Variants in ADAMTS17 observed in about 807,000 individuals in gnomAD.
The protein encoded by ADAMTS17 is A disintegrin and metalloproteinase with thrombospondin motifs 17.
Under a neutral mutation model 141.5 loss-of-function variants are expected in ADAMTS17, and 113 were observed. That is an observed-to-expected ratio of 0.80 (90% confidence interval 0.69 to 0.93). The LOEUF is 0.93. ADAMTS17 is among the 40% of genes least tolerant of loss of function. ADAMTS17 has a pLI of 0.00. For synonymous variants in ADAMTS17, 768 were observed against 630.6 expected, an observed-to-expected ratio of 1.22 and a Z score of -3.27; for missense variants, 1,659 against 1,517.9, an observed-to-expected ratio of 1.09 and a Z score of -1.54.
intron 20 of ADAMTS17, among the ~76,000 whole-genome samples, chr15:99,982,004 GC>G (rs1343186941): frequency 3.3e-5 from 5 of 152,236 alleles, no homozygotes; most frequent in African/African-American, 1.2e-4. Flanking sequence ...CTGTTGGCAT[GC>G]TACGTCCCCA....
chr15:100,094,154 G>A (rs1281802516), intron 15 of ADAMTS17, among the ~76,000 whole-genome samples: 3 of 152,226 alleles, frequency 2.0e-5, no homozygotes, highest in African/African-American at 7.2e-5. Flanking sequence ...CAGAATGACA[G>A]TCCAGGTAGG....
chr15:100,268,079 C>G (rs1596400873), intron 4 of ADAMTS17, among the ~76,000 whole-genome samples: 1 of 152,298 alleles, frequency 6.6e-6, no homozygotes, highest in East Asian at 1.9e-4. Context: ...CATTAATTCA[C>G]TTAGGATAAT....
At chr15:100,109,770 G>A (rs948186262) in intron 13 of ADAMTS17, among the ~76,000 whole-genome samples, 9 of 152,182 alleles carry the variant, frequency 5.9e-5, no homozygotes, top group South Asian at 2.1e-4. Context: ...CCCAGAACGC[G>A]CCCAGCTCCC....
At chr15:100,103,539 A>G (rs973018833) in intron 14 of ADAMTS17, among the ~76,000 whole-genome samples, 1 of 151,876 alleles carries the variant, frequency 6.6e-6, no homozygotes, top group Admixed American at 6.6e-5. Flanking sequence ...AACCACTGAA[A>G]TCCTAAGAAC....
At position 100,341,052 on chromosome 15, in the gene ADAMTS17, G is replaced by C. The variant is rs1260663822; in HGVS notation, c.437C>G (p.Ala146Gly). The C allele has an allele frequency of 2.6e-6, 4 of 1,523,246 alleles. No homozygotes were observed. The highest frequency in any genetic ancestry group is 3.5e-6 in the Non-Finnish European group (4 of 1,140,368). 94.4% of individuals were successfully genotyped at this position (1,523,246 alleles called of 1,614,324 possible). A position where few individuals can be genotyped will look rare whatever the true frequency, so the allele number is the denominator to read the frequency against. ...CGCGGGCAGTACCAGGCCGCCGGCG[G>C]CGCCGCAGGCGCTGAGCGAGACGAG... The part of the protein sequence containing the change: ...GSLVSLSACG[A>G]AGGLVGLIQL... The change falls in exon 2 of 22, where the codon GCC (alanine) becomes GGC (glycine). Residue 146 changes from alanine to glycine, a missense_variant. Physicochemically the swap from Ala to Gly is moderately conservative, Grantham distance 60 (BLOSUM62 0). Coordinates refer to ENST00000268070, the MANE Select transcript of ADAMTS17 (RefSeq NM_139057.4).
At chr15:100,216,468 C>G (rs377528205) in intron 7 of ADAMTS17, among the ~76,000 whole-genome samples, 2 of 152,260 alleles carry the variant, frequency 1.3e-5, no homozygotes, top group Admixed American at 6.5e-5. Flanking sequence ...CCACCTTCAC[C>G]GGCATCAGAG....
intron 10 of ADAMTS17, among the ~76,000 whole-genome samples, chr15:100,140,530 T>TATGAATGG (rs2038590471): frequency 6.9e-6 from 1 of 144,048 alleles, no homozygotes; most frequent in South Asian, 2.2e-4. Context: ...GTGTGGAATG[T>TATGAATGG]ATGAATGGGA....
chr15:100,011,336 GGAAGGAAAGGAGGAGGGACGGGAGGGAGA>G (rs2061170662), intron 18 of ADAMTS17, among the ~76,000 whole-genome samples: 2 of 128,002 alleles, frequency 1.6e-5, no homozygotes, highest in Non-Finnish European at 3.5e-5. Flanking sequence ...AGGGAGGGAG[GGAAGGAAAGGAGGAGGGACGGGAGGGAGA>G]GAAGGAAAGG....
chr15:100,177,249 C>T (rs981902453), intron 8 of ADAMTS17, among the ~76,000 whole-genome samples: 12 of 152,326 alleles, frequency 7.9e-5, no homozygotes, highest in Admixed American at 2.6e-4. Context: ...ATTATTCATT[C>T]GCAATCTTTC....
intron 6 of ADAMTS17, among the ~76,000 whole-genome samples, chr15:100,257,546 C>T (rs950298624): frequency 2.0e-5 from 3 of 152,240 alleles, no homozygotes; most frequent in African/African-American, 7.2e-5. Context: ...GGGCTGGCAA[C>T]AGCTAATAGC....
intron 8 of ADAMTS17, among the ~76,000 whole-genome samples, chr15:100,167,114 T>A (rs1008600480): frequency 1.3e-5 from 2 of 152,166 alleles, no homozygotes; most frequent in Non-Finnish European, 2.9e-5. Context: ...TAAGAGAAAT[T>A]TAAATAGGCA....
At position 99,993,427 on chromosome 15, in the gene ADAMTS17, G is replaced by A. The variant is rs185648197; in HGVS notation, c.2797-227C>T. Among the ~76,000 whole-genome samples, 189 of 152,326 alleles carry A rather than the reference G, an allele frequency of 1.2e-3. 1 individual carries two copies. Among genetic ancestry groups the A allele is most frequent in the African/African-American group, 4.4e-3 (183 of 41,574 alleles). The stretch of plus-strand genomic sequence containing the variant: ...TGTGGAAGGGACCTAGGAATCAGGA[G>A]TGGGAAGAACCTGGGGTACTCATAA... On this transcript the variant is annotated intron_variant, in intron 19 of 21. Transcript: ENST00000268070. This position sits in a 1 kb window ranked among gnomAD's most constrained non-coding sequence, Gnocchi z 4.3.
chr15:100,157,458 T>A (rs2039488244), intron 8 of ADAMTS17, among the ~76,000 whole-genome samples: 1 of 152,156 alleles, frequency 6.6e-6, no homozygotes, highest in Non-Finnish European at 1.5e-5. Context: ...AGTGACCAAC[T>A]AGAGTCATTT....
At chr15:100,026,271 A>G (rs1438485641) in intron 18 of ADAMTS17, among the ~76,000 whole-genome samples, 2 of 152,266 alleles carry the variant, frequency 1.3e-5, no homozygotes, top group Non-Finnish European at 2.9e-5. Context: ...TGACTAGACC[A>G]CAATCCATCC....
intron 4 of ADAMTS17, among the ~76,000 whole-genome samples, chr15:100,263,581 T>A (rs940934328): frequency 2.0e-5 from 3 of 152,108 alleles, no homozygotes; most frequent in African/African-American, 7.2e-5. Flanking sequence ...GGAGTCAAAG[T>A]TGACATGGAT....
intron 4 of ADAMTS17, among the ~76,000 whole-genome samples, chr15:100,272,907 C>G (rs528872475): frequency 2.6e-5 from 4 of 152,092 alleles, no homozygotes; most frequent in Admixed American, 2.0e-4. Flanking sequence ...TCATGAAAGG[C>G]TGCTCAATTT....
intron 20 of ADAMTS17, chr15:99,980,895 G>A (rs1031475909): frequency 3.9e-5 from 6 of 152,242 alleles, no homozygotes; most frequent in Non-Finnish European, 7.3e-5. Context: ...GGGGCCGAGG[G>A]GAAAAGGCTG....
At chr15:100,071,569 T>C (rs1014687565) in intron 15 of ADAMTS17, among the ~76,000 whole-genome samples, 3 of 150,370 alleles carry the variant, frequency 2.0e-5, no homozygotes, top group South Asian at 2.1e-4. Context: ...CACAATCAAG[T>C]TGGCTTCATC....
chr15:100,116,925 A>G lies in ADAMTS17; in HGVS notation c.1810T>C (p.Phe604Leu). The G allele has an allele frequency of 6.2e-7, 1 of 1,614,184 alleles. No individual in the cohort carries two copies. Among genetic ancestry groups the G allele is most frequent in the Non-Finnish European group, 8.5e-7 (1 of 1,180,044 alleles). The change falls in exon 13 of 22, where the codon TTC (phenylalanine) becomes CTC (leucine). Residue 604 changes from phenylalanine (F) to leucine (L), a missense_variant. Physicochemically the swap from Phe to Leu is conservative, Grantham distance 22 (BLOSUM62 0). Transcript: ENST00000268070. The stretch of plus-strand genomic sequence containing the variant: ...TGTGCCTGGCACTGCTGGTCCCGGA[A>G]GCTGGGCAGACCCTTGGGGCAGGGC... ...NLPCPKGLPSFRDQQCQAHDR... is the reference protein window; with the variant it reads ...NLPCPKGLPSLRDQQCQAHDR...
Sources: allele counts gnomAD v4.1 joint callset (sites outside exome capture counted in the v4.1 genomes callset), GRCh38; gene constraint gnomAD v4.1.1; non-coding constraint Gnocchi (gnomAD v3.1); transcripts MANE v1.5; gene names NCBI Gene and HGNC (gene_info 2026-07-23, HGNC 2026-07-21).